Variants in CTTNBP2 observed in about 807,000 individuals in gnomAD.
The protein encoded by CTTNBP2 is cortactin-binding protein 2.
Under a neutral mutation model 156.9 loss-of-function variants are expected in CTTNBP2, and 108 were observed. That is an observed-to-expected ratio of 0.69 (90% CI 0.59 to 0.81). CTTNBP2 has a LOEUF of 0.81. Among genes scored for constraint, CTTNBP2 ranks in the 30% least tolerant of loss-of-function variants. The probability of loss-of-function intolerance (pLI) is 0.00; values close to 1 mark genes in which losing one functional copy is unlikely to be tolerated. For missense variants in CTTNBP2, 1,924 were observed against 2,035.4 expected, an observed-to-expected ratio of 0.95 and a Z score of 1.05; for synonymous variants, 767 against 751.8, an observed-to-expected ratio of 1.02 and a Z score of -0.33.
Position 117,777,741 on chromosome 7 carries a change from C to A in CTTNBP2, c.2548G>T (p.Ala850Ser), listed in dbSNP as rs372519964. 2.2e-5 allele frequency: 35 copies of A among 1,610,220 alleles called. No homozygotes were observed. The highest frequency in any genetic ancestry group is 1.8e-5 in the Non-Finnish European group (21 of 1,176,860). The change falls in exon 8 of 23, where the codon GCT becomes TCT. Residue 850 changes from alanine to serine, a missense_variant. Coordinates refer to ENST00000160373, the MANE Select transcript of CTTNBP2 (RefSeq NM_033427.3). ...CTGTCCACATTACCAGTGTCCACAG[C>A]TGCGTGAACTGGTGTCCAGCCATCC... ...TTDGWTPVHA[A>S]VDTGNVDSLK...
At chr7:117,776,861 G>T (rs991434501) in intron 8 of CTTNBP2, among the ~76,000 whole-genome samples, 12 of 152,126 alleles carry the variant, frequency 7.9e-5, no homozygotes, top group Admixed American at 7.9e-4. Context: ...GGAGCTAATG[G>T]CAAAAGTGAT....
intron 16 of CTTNBP2, among the ~76,000 whole-genome samples, chr7:117,729,684 T>C (rs1282634481): frequency 6.6e-6 from 1 of 152,166 alleles, no homozygotes; most frequent in Non-Finnish European, 1.5e-5. Flanking sequence ...TTTTTTTCTT[T>C]TGAATTTTAC....
chr7:117,717,932 T>A (rs1794535286), intron 22 of CTTNBP2, 86 bp downstream of exon 22: 2 of 831,746 alleles, frequency 2.4e-6, no homozygotes, highest in Non-Finnish European at 4.1e-6. Flanking sequence ...AAAAAATAAC[T>A]CTGTGATTCA....
chr7:117,773,993 G>T (rs957938229), intron 8 of CTTNBP2, among the ~76,000 whole-genome samples: 9 of 152,164 alleles, frequency 5.9e-5, no homozygotes, highest in African/African-American at 2.2e-4. Context: ...CAACAGAGCT[G>T]CACAAATCCA....
intron 3 of CTTNBP2, among the ~76,000 whole-genome samples, chr7:117,804,228 G>T (rs1240898028): frequency 6.6e-6 from 1 of 152,112 alleles, no homozygotes; most frequent in Non-Finnish European, 1.5e-5. Flanking sequence ...CTCCCAAACT[G>T]CTGGGATTAC....
intron 3 of CTTNBP2, among the ~76,000 whole-genome samples, chr7:117,807,637 T>A (rs947121363): frequency 1.3e-5 from 2 of 152,134 alleles, no homozygotes; most frequent in African/African-American, 4.8e-5. Context: ...AATGCACCTG[T>A]CTTAGGCTTC....
At chr7:117,870,398 A>G (rs907010054) in intron 1 of CTTNBP2, among the ~76,000 whole-genome samples, 13 of 152,238 alleles carry the variant, frequency 8.5e-5, no homozygotes, top group African/African-American at 3.1e-4. Flanking sequence ...TTTTCAGTGC[A>G]TTTACATTCA....
chr7:117,726,454 A>T (rs1051678241), intron 17 of CTTNBP2, among the ~76,000 whole-genome samples: 1 of 152,212 alleles, frequency 6.6e-6, no homozygotes, highest in Non-Finnish European at 1.5e-5. Flanking sequence ...TATTCCTAAA[A>T]GTGCTGAAGT....
Position 117,869,158 on chromosome 7 carries a change from G to T in CTTNBP2, c.81+4177C>A, listed in dbSNP as rs35963504. On this transcript the variant is annotated intron_variant, in intron 1 of 22. Transcript: ENST00000160373. ...TAAACTTTTAAAAAACCCCTGCAAAGAATCTAAGAAGTCATTGAGAAAAGC... is the reference window on the plus strand; with the variant it reads ...TAAACTTTTAAAAAACCCCTGCAAATAATCTAAGAAGTCATTGAGAAAAGC... 6.7e-3 allele frequency among the ~76,000 whole-genome samples: 1,018 copies of T among 152,268 alleles called. 11 individuals carry two copies. Among genetic ancestry groups the T allele is most frequent in the African/African-American group, 0.023 (962 of 41,558 alleles).
intron 2 of CTTNBP2, among the ~76,000 whole-genome samples, chr7:117,841,695 T>C (rs1802288190): frequency 2.6e-5 from 4 of 152,146 alleles, no homozygotes; most frequent in Admixed American, 2.0e-4. Context: ...ATTGCATGCA[T>C]AGGAGTGCAG....
At chr7:117,776,944 T>C (rs924658617) in intron 8 of CTTNBP2, among the ~76,000 whole-genome samples, 2 of 152,366 alleles carry the variant, frequency 1.3e-5, no homozygotes, top group African/African-American at 4.8e-5. Flanking sequence ...CTAACACATA[T>C]TAATGCTAAA....
intron 10 of CTTNBP2, 59 bp downstream of exon 10, chr7:117,760,376 C>T: frequency 6.5e-7 from 1 of 1,530,706 alleles, no homozygotes; most frequent in Non-Finnish European, 9.0e-7. Context: ...GTTATGAAAC[C>T]CACAAACATA....
intron 2 of CTTNBP2, among the ~76,000 whole-genome samples, chr7:117,821,588 ATTTTTT>A (rs61303861): frequency 7.4e-6 from 1 of 134,698 alleles, no homozygotes; most frequent in Non-Finnish European, 1.6e-5. Context: ...TCTGTTTAGG[ATTTTTT>A]TTTTTTTTTT....
rs1431462910 is a variant in CTTNBP2 at position 117,804,142 on chromosome 7, T to TGGA, written c.414+6622_414+6623insTCC. Among the ~76,000 whole-genome samples the TGGA allele has an allele frequency of 3.0e-4, 46 of 152,114 alleles. 1 individual carries two copies. The highest frequency in any genetic ancestry group is 2.0e-4 in the Admixed American group (3 of 15,270). On this transcript the variant is annotated intron_variant, in intron 3 of 22. Coordinates refer to ENST00000160373, the MANE Select transcript of CTTNBP2 (RefSeq NM_033427.3). ...CATACCTGGCTAATTTTTGTATTTTTAGTAGAGACGGAGTTTCACCACGTT... is the reference window on the plus strand; with the variant it reads ...CATACCTGGCTAATTTTTGTATTTTTGGAAGTAGAGACGGAGTTTCACCACGTT...
At chr7:117,738,782 G>A (rs1360086387) in intron 14 of CTTNBP2, among the ~76,000 whole-genome samples, 2 of 152,190 alleles carry the variant, frequency 1.3e-5, no homozygotes, top group East Asian at 3.8e-4. Context: ...TGAGGGCATT[G>A]AGGAAGGATC....
intron 2 of CTTNBP2, among the ~76,000 whole-genome samples, chr7:117,856,335 C>G (rs1803316303): frequency 6.6e-6 from 1 of 152,198 alleles, no homozygotes; most frequent in Admixed American, 6.5e-5. Context: ...GGCTAACTCC[C>G]TAAGAAGAGT....
At chr7:117,788,527 C>T (rs900987000) in intron 4 of CTTNBP2, among the ~76,000 whole-genome samples, 2 of 152,144 alleles carry the variant, frequency 1.3e-5, no homozygotes, top group Non-Finnish European at 2.9e-5. Flanking sequence ...GGCTCATGAC[C>T]TGGAGAGGCA....
At chr7:117,848,128 A>G (rs1168626222) in intron 2 of CTTNBP2, among the ~76,000 whole-genome samples, 3 of 152,032 alleles carry the variant, frequency 2.0e-5, no homozygotes, top group Admixed American at 1.3e-4. Flanking sequence ...GCCTAACCAT[A>G]TTTGAATACT....
intron 2 of CTTNBP2, among the ~76,000 whole-genome samples, chr7:117,821,058 A>G (rs1800934266): frequency 1.3e-5 from 2 of 152,184 alleles, no homozygotes; most frequent in Non-Finnish European, 1.5e-5. Context: ...ATGTAGGACT[A>G]TAACTGATTT....
Sources: gnomAD v4.1 joint callset for allele counts (sites outside exome capture counted in the v4.1 genomes callset) on GRCh38, gnomAD v4.1.1 for gene constraint, MANE v1.5 for transcripts, NCBI Gene and HGNC (gene_info 2026-07-23, HGNC 2026-07-21) for gene names.